APP: variants seen among roughly 807,000 people sequenced by gnomAD.
APP encodes amyloid beta precursor protein, also known as amyloid-beta precursor protein.
In APP, 31 loss-of-function variants were observed where a neutral mutation model predicts 101.4. That is an observed-to-expected ratio of 0.31 (90% confidence interval 0.23 to 0.41). The LOEUF (loss-of-function observed/expected upper bound fraction) is 0.41. Among genes scored for constraint, APP ranks in the 10% least tolerant of loss-of-function variants. The pLI is 1.00. For synonymous variants in APP, 366 were observed against 364.4 expected (o/e 1.00, Z -0.05); for missense variants, 839 against 1,003.7 (o/e 0.84, Z 2.22).
intron 1 of APP, among the ~76,000 whole-genome samples, chr21:26,150,064 A>G (rs1419819775): frequency 6.6e-6 from 1 of 152,152 alleles, no homozygotes; most frequent in African/African-American, 2.4e-5. Context: ...AAAAACACAA[A>G]TTTTATTTAA....
Position 25,955,616 on chromosome 21 carries a change from C to G in APP, c.1587+11G>C, listed in dbSNP as rs202068237. On this transcript the variant is annotated intron_variant, in intron 12 of 17. Transcript: ENST00000346798. ...TCAAAGCTGCAGAAGATGATTATAC[C>G]CCACGCTTACCTGGGACCGGATCTG... 1 of 1,613,942 alleles carries G rather than the reference C, an allele frequency of 6.2e-7. No individual in the cohort carries two copies. The highest frequency in any genetic ancestry group is 8.5e-7 in the Non-Finnish European group (1 of 1,179,962).
intron 5 of APP, among the ~76,000 whole-genome samples, chr21:26,031,245 A>G (rs2044804441): frequency 6.6e-6 from 1 of 152,234 alleles, no homozygotes; most frequent in Non-Finnish European, 1.5e-5. Flanking sequence ...TGTGTCCAAA[A>G]TGGCTACAAA....
chr21:26,118,164 G>A (rs2062479117), intron 1 of APP, among the ~76,000 whole-genome samples: 1 of 152,190 alleles, frequency 6.6e-6, no homozygotes, highest in Non-Finnish European at 1.5e-5. Flanking sequence ...CTGGTGCCCA[G>A]TAGGAAATCA....
At chr21:26,062,661 C>CAAATAAAT (rs10529214) in intron 3 of APP, among the ~76,000 whole-genome samples, 7,832 of 145,268 alleles carry the variant, frequency 0.054, 437 homozygotes, top group African/African-American at 0.13. Flanking sequence ...GACTCTGTCT[C>CAAATAAAT]AAATAAATAA....
intron 8 of APP, 48 bp from the exon 9 acceptor site, chr21:25,982,525 A>G (rs1169181343): frequency 5.7e-6 from 9 of 1,585,298 alleles, no homozygotes; most frequent in Non-Finnish European, 7.8e-6. Context: ...GCCAACAACA[A>G]CAGAATAATC....
intron 3 of APP, among the ~76,000 whole-genome samples, chr21:26,067,146 G>A (rs2046486288): frequency 6.6e-6 from 1 of 151,844 alleles, no homozygotes. Flanking sequence ...AACATAAAAA[G>A]GTAAAAAGAA....
rs1316421656 is a variant in APP, at chr21:26,005,503, A to AT, written c.866-5322dup. On this transcript the variant is annotated intron_variant, in intron 6 of 17. Transcript: ENST00000346798. ...CCTTGTCTCTTTACTTGACTCAGAG[A>AT]TTGGAAGATTTGGAAATCTCAGTTT... is the stretch of plus-strand genomic sequence containing the variant. 2.6e-5 allele frequency among the ~76,000 whole-genome samples: 4 copies of AT among 152,316 alleles called. No homozygotes were observed. In the South Asian group the frequency reaches 8.3e-4, roughly 32 times the overall value.
In APP at chr21:25,897,610, C is replaced by T. The variant is rs559207950; in HGVS notation, c.2027G>A (p.Arg676Gln). The T allele has an allele frequency of 6.2e-6, 10 of 1,613,974 alleles. No homozygotes were observed. The highest frequency in any genetic ancestry group is 3.3e-5 in the South Asian group (3 of 91,080). The change falls in exon 16 of 18, where the codon CGA (arginine) becomes CAA (glutamine). Residue 676 changes from arginine (R) to glutamine (Q), a missense_variant. By Grantham distance (43) the Arg-to-Gln change is conservative. Coordinates refer to ENST00000346798, the MANE Select transcript of APP (RefSeq NM_000484.4). The stretch of plus-strand genomic sequence containing the variant: ...ATGAACTTCATATCCTGAGTCATGT[C>T]GGAATTCTGCATCCATCTTCACTTC... ...ISEVKMDAEF[R>Q]HDSGYEVHHQ...
intron 6 of APP, among the ~76,000 whole-genome samples, chr21:26,011,519 T>C (rs571284936): frequency 2.0e-5 from 3 of 151,848 alleles, no homozygotes; most frequent in Non-Finnish European, 4.4e-5. Context: ...TGGCATCGAG[T>C]AGAGGCTAGT....
At chr21:26,013,563 A>G (rs1285140823) in intron 6 of APP, among the ~76,000 whole-genome samples, 1 of 151,862 alleles carries the variant, frequency 6.6e-6, no homozygotes, top group Non-Finnish European at 1.5e-5. Context: ...CTGGCCTTTA[A>G]TTAAATTGGA....
At chr21:26,111,838 T>C (rs751083920) in intron 2 of APP, 141 bp downstream of exon 2, 1 of 841,238 alleles carries the variant, frequency 1.2e-6, no homozygotes, top group Non-Finnish European at 2.0e-6. Context: ...CAAATAAATA[T>C]ATTAATGGTA....
intron 6 of APP, among the ~76,000 whole-genome samples, chr21:26,019,742 T>C (rs1008929667): frequency 7.2e-5 from 11 of 152,120 alleles, no homozygotes; most frequent in Non-Finnish European, 4.4e-5. Flanking sequence ...CACTGCAGGC[T>C]GCTAGCTGCT....
At chr21:25,967,762 C>T (rs2041850596) in intron 11 of APP, among the ~76,000 whole-genome samples, 1 of 152,150 alleles carries the variant, frequency 6.6e-6, no homozygotes, top group Non-Finnish European at 1.5e-5. Flanking sequence ...TTTCATGAAG[C>T]TATGAATAGT....
intron 3 of APP, among the ~76,000 whole-genome samples, chr21:26,085,411 G>A (rs991209983): frequency 2.6e-5 from 4 of 152,116 alleles, no homozygotes; most frequent in Admixed American, 2.6e-4. Flanking sequence ...TGCATGTATA[G>A]GTCCCACACA....
chr21:26,067,674 T>C (rs2146022827), intron 3 of APP, among the ~76,000 whole-genome samples: 1 of 152,330 alleles, frequency 6.6e-6, no homozygotes, highest in South Asian at 2.1e-4. Flanking sequence ...TTTCTCTTGT[T>C]GCAGTTCTCA....
chr21:25,921,616 G>C (rs1055948012), intron 13 of APP, among the ~76,000 whole-genome samples: 1 of 139,732 alleles, frequency 7.2e-6, no homozygotes, highest in Non-Finnish European at 1.5e-5. Flanking sequence ...AAATAAACTA[G>C]AAAATCTAGA....
chr21:25,885,921 A>G (rs1390183328), intron 17 of APP, among the ~76,000 whole-genome samples: 2 of 152,044 alleles, frequency 1.3e-5, no homozygotes, highest in Non-Finnish European at 2.9e-5. Context: ...GTCTCCTCCT[A>G]TTGCCCCTAG....
intron 15 of APP, among the ~76,000 whole-genome samples, chr21:25,902,095 C>A (rs745633743): frequency 6.6e-6 from 1 of 152,090 alleles, no homozygotes; most frequent in Non-Finnish European, 1.5e-5. Flanking sequence ...CTGGAAGCTA[C>A]CATATTCTGT....
rs140255992 is a variant in APP, at chr21:26,159,652, C to T, written c.57+10912G>A. Among the ~76,000 whole-genome samples, 462 of 152,272 alleles carry T rather than the reference C, an allele frequency of 3.0e-3. 4 individuals carry two copies. Among genetic ancestry groups the T allele is most frequent in the Non-Finnish European group, 5.0e-3 (339 of 68,028 alleles). ...ATTGCTTTGTAAATCTAAATAACTTCGCATGTGATAATAAATTCTAAGAAT... is the reference window on the plus strand; with the variant it reads ...ATTGCTTTGTAAATCTAAATAACTTTGCATGTGATAATAAATTCTAAGAAT... On this transcript the variant is annotated intron_variant, in intron 1 of 17. Coordinates refer to ENST00000346798, the MANE Select transcript of APP (RefSeq NM_000484.4).
Sources: allele counts gnomAD v4.1 joint callset (sites outside exome capture counted in the v4.1 genomes callset), GRCh38; gene constraint gnomAD v4.1.1; transcripts MANE v1.5; gene names NCBI Gene and HGNC (gene_info 2026-07-23, HGNC 2026-07-21).